Variants in MCF2L2 observed in about 807,000 individuals in gnomAD.
MCF2L2 encodes MCF.2 cell line derived transforming sequence-like 2, also known as probable guanine nucleotide exchange factor MCF2L2.
Under a neutral mutation model 150.2 loss-of-function variants are expected in MCF2L2, and 102 were observed. That is an observed-to-expected ratio of 0.68 (90% CI 0.58 to 0.80). MCF2L2 has a LOEUF of 0.80. Ranked by LOEUF, MCF2L2 falls within the 30% of genes least tolerant of loss-of-function variation. The probability of loss-of-function intolerance (pLI) is 0.00; values close to 1 mark genes in which losing one functional copy is unlikely to be tolerated. For missense variants in MCF2L2, 1,256 were observed against 1,372.8 expected (o/e 0.91, Z 1.34); for synonymous variants, 465 against 491.3 (o/e 0.95, Z 0.71).
In MCF2L2 at chr3:183,270,680, G is replaced by A. The variant is rs760987845; in HGVS notation, c.1862+6192C>T. ...TGGGCCTCTGTGCCAATAAAATAGG[G>A]ATAGTACCGCAGGACCATGTGTTTT... On this transcript the variant is annotated intron_variant, in intron 15 of 29. Coordinates refer to ENST00000328913, the MANE Select transcript of MCF2L2 (RefSeq NM_015078.4). The surrounding 1 kb of genome is among the most constrained non-coding windows in gnomAD (Gnocchi z 4.5). 6.8e-6 allele frequency: 11 copies of A among 1,614,034 alleles called. No homozygotes were observed. Among genetic ancestry groups the A allele is most frequent in the Non-Finnish European group, 9.3e-6 (11 of 1,180,040 alleles).
intron 1 of MCF2L2, among the ~76,000 whole-genome samples, chr3:183,406,977 T>C (rs1409186955): frequency 6.6e-6 from 1 of 152,196 alleles, no homozygotes; most frequent in African/African-American, 2.4e-5. Context: ...TTCTAACAGA[T>C]TTTTTATTAG....
intron 15 of MCF2L2, among the ~76,000 whole-genome samples, chr3:183,250,527 C>G (rs894019720): frequency 2.7e-5 from 4 of 148,626 alleles, no homozygotes; most frequent in African/African-American, 1.0e-4. Context: ...GCAGAGGTTA[C>G]AGTGAAAGGA....
At chr3:183,354,165 T>G (rs985269694) in intron 3 of MCF2L2, among the ~76,000 whole-genome samples, 2 of 152,218 alleles carry the variant, frequency 1.3e-5, no homozygotes, top group South Asian at 2.1e-4. Context: ...AGATTCTTTA[T>G]AGCAATAAGA....
chr3:183,313,432 G>A (rs1336986992), intron 7 of MCF2L2, among the ~76,000 whole-genome samples: 2 of 152,206 alleles, frequency 1.3e-5, no homozygotes, highest in Non-Finnish European at 2.9e-5. Context: ...ATCTTCACAA[G>A]TGATGTCACA....
chr3:183,199,784 A>AC (rs940833871), intron 25 of MCF2L2, among the ~76,000 whole-genome samples: 16 of 57,490 alleles, frequency 2.8e-4, no homozygotes, highest in African/African-American at 1.0e-3. Flanking sequence ...CCCTCCCCCC[A>AC]CCCCACCACA....
intron 27 of MCF2L2, among the ~76,000 whole-genome samples, chr3:183,187,061 T>C (rs895412169): frequency 7.2e-5 from 11 of 152,080 alleles, no homozygotes; most frequent in Non-Finnish European, 1.5e-5. Flanking sequence ...ACCCACCATC[T>C]CTCCAGAGAG....
chr3:183,259,461 A>G lies in MCF2L2; in HGVS notation c.1862+17411T>C, dbSNP rs1056612816. ...ACCTTATGATGGATAACTGGTTTAC[A>G]TCTCTTCATCAGGTTTACTTCTTAC... On this transcript the variant is annotated intron_variant, in intron 15 of 29. Coordinates refer to ENST00000328913, the MANE Select transcript of MCF2L2 (RefSeq NM_015078.4). Among the ~76,000 whole-genome samples, 6 of 152,198 alleles carry G rather than the reference A, an allele frequency of 3.9e-5. 1 individual carries two copies. Among genetic ancestry groups the G allele is most frequent in the African/African-American group, 1.4e-4 (6 of 41,454 alleles).
chr3:183,351,190 GTATATATATATATATATATATATATATA>G (rs60311053), intron 3 of MCF2L2, among the ~76,000 whole-genome samples: 15 of 38,846 alleles, frequency 3.9e-4, no homozygotes, highest in Middle Eastern at 0.017. Flanking sequence ...ATTTTCTTAA[GTATATATATATATATATATATATATATA>G]TATATATATA....
chr3:183,179,202 A>T lies in MCF2L2; in HGVS notation c.*178T>A. ...GCTCCGAGGTCCCCCGTGCGGAGCT[A>T]GGCGCGCACCCAGGACACCCCTCGG... On this transcript the variant is annotated 3_prime_UTR_variant, in exon 30 of 30. Transcript: ENST00000328913. The surrounding 1 kb of genome is among the most constrained non-coding windows in gnomAD (Gnocchi z 4.2). 1.2e-6 allele frequency: 1 copy of T among 810,560 alleles called. No individual in the cohort carries two copies. The highest frequency in any genetic ancestry group is 1.7e-6 in the Non-Finnish European group (1 of 581,154). 50.2% of individuals were successfully genotyped at this position (810,560 alleles called of 1,614,324 possible).
intron 1 of MCF2L2, among the ~76,000 whole-genome samples, chr3:183,409,919 A>G (rs1270730410): frequency 6.6e-6 from 1 of 152,138 alleles, no homozygotes; most frequent in Non-Finnish European, 1.5e-5. Context: ...TAACTCCTAG[A>G]AAAGGATCTA....
chr3:183,201,705 G>T (rs1396136397), intron 25 of MCF2L2, among the ~76,000 whole-genome samples: 11 of 152,094 alleles, frequency 7.2e-5, no homozygotes, highest in African/African-American at 2.2e-4. Context: ...CTTCTGCCAG[G>T]TTTCAAAGGG....
intron 5 of MCF2L2, among the ~76,000 whole-genome samples, chr3:183,335,209 C>T (rs1014128484): frequency 2.0e-5 from 3 of 151,852 alleles, no homozygotes; most frequent in African/African-American, 4.8e-5. Flanking sequence ...ACTAAATCCA[C>T]GACCCAATCC....
At chr3:183,294,551 ATGTG>A (rs367979993) in intron 13 of MCF2L2, among the ~76,000 whole-genome samples, 9 of 139,472 alleles carry the variant, frequency 6.5e-5, no homozygotes, top group East Asian at 2.1e-4. Context: ...ATATATATGT[ATGTG>A]TGTGTGTGTG....
intron 7 of MCF2L2, among the ~76,000 whole-genome samples, chr3:183,317,432 A>G (rs754500527): frequency 1.3e-5 from 2 of 152,152 alleles, no homozygotes; most frequent in East Asian, 1.9e-4. Flanking sequence ...CCTGTACTGC[A>G]TGAGTGAAAG....
At chr3:183,308,069 G>A (rs906685504) in intron 10 of MCF2L2, among the ~76,000 whole-genome samples, 2 of 152,050 alleles carry the variant, frequency 1.3e-5, no homozygotes, top group Non-Finnish European at 2.9e-5. Context: ...ATTATATCTT[G>A]TTTTCTTTTT....
intron 25 of MCF2L2, among the ~76,000 whole-genome samples, chr3:183,203,460 C>T (rs1470963193): frequency 6.6e-6 from 1 of 152,134 alleles, no homozygotes; most frequent in African/African-American, 2.4e-5. Context: ...ACTAGAGTGG[C>T]TGGCTCAATA....
chr3:183,356,895 T>G (rs974837232), intron 3 of MCF2L2, among the ~76,000 whole-genome samples: 1 of 152,106 alleles, frequency 6.6e-6, no homozygotes, highest in Non-Finnish European at 1.5e-5. Flanking sequence ...ACTCCATCCA[T>G]AAAACAAGAA....
At chr3:183,419,173 G>GT (rs961606613) in intron 1 of MCF2L2, among the ~76,000 whole-genome samples, 2 of 152,216 alleles carry the variant, frequency 1.3e-5, no homozygotes, top group Non-Finnish European at 2.9e-5. Context: ...CTGTAACTTG[G>GT]CCCCTTTTAG....
chr3:183,230,981 A>T lies in MCF2L2; in HGVS notation c.1899T>A (p.Ile633=), dbSNP rs61753469. ...IIRDLLETEE[I]YIKEIKSIID... ...TTATGCTTTTAATCTCTTTTATGTA[A>T]ATCTCTTCAGTCTCAAGCAAGTCAC... The change falls in exon 16 of 30, where the codon ATT becomes ATA. Residue 633 remains isoleucine (I), a synonymous_variant. Transcript: ENST00000328913. 435 of 1,613,974 alleles carry T rather than the reference A, an allele frequency of 2.7e-4. No homozygotes were observed. In the African/African-American group the frequency reaches 5.2e-3, roughly 19 times the overall value.
Sources: allele counts gnomAD v4.1 joint callset (sites outside exome capture counted in the v4.1 genomes callset), GRCh38; gene constraint gnomAD v4.1.1; non-coding constraint Gnocchi (gnomAD v3.1); transcripts MANE v1.5; gene names NCBI Gene and HGNC (gene_info 2026-07-23, HGNC 2026-07-21).